The following PTPRD variants were observed in gnomAD, a reference collection of about 807,000 sequenced individuals.
PTPRD encodes protein tyrosine phosphatase receptor type D, also known as receptor-type tyrosine-protein phosphatase delta.
PTPRD carries 34 observed loss-of-function variants against 214.5 expected under a neutral mutation model. That is an observed-to-expected ratio of 0.16 (90% CI 0.12 to 0.21). PTPRD has a LOEUF of 0.21. PTPRD is among the 10% of genes least tolerant of loss of function. The pLI is 1.00. For synonymous variants in PTPRD, 1,128 were observed against 845.7 expected (o/e 1.33, Z -5.79); for missense variants, 2,545 against 2,398.7 (o/e 1.06, Z -1.27).
In PTPRD at chr9:9,067,043, G is replaced by A. The variant is rs1590935298; in HGVS notation, c.-142-48308C>T. On this transcript the variant is annotated intron_variant, in intron 10 of 45. Transcript: ENST00000381196. ...GGATCACCTGAGGTCAGGAGTTGGAGACCAGCCTGACCAACATGGCAAAAC... is the reference window on the plus strand; with the variant it reads ...GGATCACCTGAGGTCAGGAGTTGGAAACCAGCCTGACCAACATGGCAAAAC... 5.3e-5 allele frequency among the ~76,000 whole-genome samples: 8 copies of A among 152,314 alleles called. 1 individual carries two copies. In the South Asian group the frequency reaches 1.7e-3, roughly 32 times the overall value.
At chr9:9,910,598 G>A (rs376473620) in intron 5 of PTPRD, among the ~76,000 whole-genome samples, 7 of 151,978 alleles carry the variant, frequency 4.6e-5, no homozygotes, top group African/African-American at 1.7e-4. Flanking sequence ...TTATAAGTGT[G>A]TTGCTTCAAT....
At chr9:8,347,082 C>G (rs1034739726) in intron 39 of PTPRD, among the ~76,000 whole-genome samples, 3 of 150,734 alleles carry the variant, frequency 2.0e-5, no homozygotes, top group African/African-American at 7.3e-5. Flanking sequence ...ATCATATCCC[C>G]TGCGGATAGA....
At chr9:8,793,678 A>T (rs569499298) in intron 11 of PTPRD, among the ~76,000 whole-genome samples, 1 of 152,206 alleles carries the variant, frequency 6.6e-6, no homozygotes, top group Non-Finnish European at 1.5e-5. Flanking sequence ...CCAAATAACC[A>T]TAATATTCTG....
At chr9:10,280,184 C>A (rs1281317876) in intron 3 of PTPRD, among the ~76,000 whole-genome samples, 1 of 151,948 alleles carries the variant, frequency 6.6e-6, no homozygotes, top group African/African-American at 2.4e-5. Context: ...TTACCATTGT[C>A]TCCAGTAGAA....
chr9:10,571,018 T>G (rs912660066), intron 2 of PTPRD, among the ~76,000 whole-genome samples: 1 of 152,096 alleles, frequency 6.6e-6, no homozygotes, highest in Non-Finnish European at 1.5e-5. Flanking sequence ...ATGCTGCTGG[T>G]TTTTGTGGCA....
rs998926681 is a variant in PTPRD at position 9,028,583 on chromosome 9, A to C, written c.-142-9848T>G. Among the ~76,000 whole-genome samples, 3 of 151,878 alleles carry C rather than the reference A, an allele frequency of 2.0e-5. No individual in the cohort carries two copies. The South Asian group carries it at 6.2e-4, about 32-fold the overall frequency. Reference sequence around the variant, plus strand: ...AGTCTATTTATTTAATCCTATAGTAACTCCATTTTCTCATTACTCCATCAA... The same window carrying C: ...AGTCTATTTATTTAATCCTATAGTACCTCCATTTTCTCATTACTCCATCAA... On this transcript the variant is annotated intron_variant, in intron 10 of 45. Coordinates refer to ENST00000381196, the MANE Select transcript of PTPRD (RefSeq NM_002839.4).
chr9:9,862,182 A>C (rs1282789715), intron 5 of PTPRD, among the ~76,000 whole-genome samples: 1 of 152,148 alleles, frequency 6.6e-6, no homozygotes. Flanking sequence ...ACCTCTTGCC[A>C]AACTTGTTTG....
chr9:10,534,486 G>C (rs1481218434), intron 2 of PTPRD, among the ~76,000 whole-genome samples: 1 of 151,992 alleles, frequency 6.6e-6, no homozygotes, highest in African/African-American at 2.4e-5. Flanking sequence ...GAAGGCAAAA[G>C]CAATGGTTTT....
intron 3 of PTPRD, among the ~76,000 whole-genome samples, chr9:10,218,637 T>G (rs979016990): frequency 6.6e-6 from 1 of 151,800 alleles, no homozygotes; most frequent in Non-Finnish European, 1.5e-5. Context: ...AAAGATACCA[T>G]AATATGTAGT....
chr9:10,120,544 T>G (rs2098766257), intron 3 of PTPRD, among the ~76,000 whole-genome samples: 1 of 152,018 alleles, frequency 6.6e-6, no homozygotes, highest in Non-Finnish European at 1.5e-5. Flanking sequence ...CAGTGCACTT[T>G]GAAGTAAGCT....
At chr9:9,437,767 G>A (rs1484193151) in intron 8 of PTPRD, among the ~76,000 whole-genome samples, 2 of 152,140 alleles carry the variant, frequency 1.3e-5, no homozygotes, top group Non-Finnish European at 2.9e-5. Flanking sequence ...GCTGCTCTGG[G>A]TTCAAATTTC....
intron 5 of PTPRD, among the ~76,000 whole-genome samples, chr9:9,876,035 G>T (rs1368928507): frequency 6.6e-6 from 1 of 151,926 alleles, no homozygotes; most frequent in African/African-American, 2.4e-5. Flanking sequence ...TGTAAGAAAA[G>T]GAAGCAAAGA....
At chr9:9,965,632 C>G (rs1326554622) in intron 4 of PTPRD, among the ~76,000 whole-genome samples, 1 of 152,122 alleles carries the variant, frequency 6.6e-6, no homozygotes, top group East Asian at 1.9e-4. Flanking sequence ...CTCCTCTGAC[C>G]TAATACTTGT....
chr9:10,237,861 A>T (rs971537722), intron 3 of PTPRD, among the ~76,000 whole-genome samples: 1 of 151,962 alleles, frequency 6.6e-6, no homozygotes, highest in African/African-American at 2.4e-5. Flanking sequence ...CACCTATTAC[A>T]AAGACTTCCA....
At chr9:8,866,096 T>A (rs1053253109) in intron 11 of PTPRD, among the ~76,000 whole-genome samples, 2 of 152,166 alleles carry the variant, frequency 1.3e-5, no homozygotes, top group Admixed American at 1.3e-4. Flanking sequence ...TATAGGAACA[T>A]ATATTACTGG....
chr9:9,799,677 G>C (rs925589233), intron 5 of PTPRD: 2 of 152,114 alleles, frequency 1.3e-5, no homozygotes, highest in African/African-American at 4.8e-5. Flanking sequence ...ACAATAAAAA[G>C]GGGGGTAAGC....
At chr9:9,129,050 G>C (rs977796794) in intron 10 of PTPRD, among the ~76,000 whole-genome samples, 5 of 152,184 alleles carry the variant, frequency 3.3e-5, no homozygotes, top group African/African-American at 1.2e-4. Flanking sequence ...ACCACATTTA[G>C]TGAGAGTACT....
intron 10 of PTPRD, among the ~76,000 whole-genome samples, chr9:9,154,017 C>T (rs1234063069): frequency 2.0e-5 from 3 of 152,056 alleles, no homozygotes; most frequent in Non-Finnish European, 4.4e-5. Context: ...GTATTTTGGC[C>T]AGTGGAATGT....
At chr9:9,048,267 G>A (rs1413355787) in intron 10 of PTPRD, among the ~76,000 whole-genome samples, 1 of 152,084 alleles carries the variant, frequency 6.6e-6, no homozygotes, top group African/African-American at 2.4e-5. Context: ...ACTAAAAATA[G>A]AGCTAACACA....
Sources: allele counts gnomAD v4.1 joint callset (sites outside exome capture counted in the v4.1 genomes callset), GRCh38; gene constraint gnomAD v4.1.1; transcripts MANE v1.5; gene names NCBI Gene and HGNC (gene_info 2026-07-23, HGNC 2026-07-21).